FNIP1: variants seen among roughly 807,000 people sequenced by gnomAD.
The protein encoded by FNIP1 is folliculin interacting protein 1, also known as folliculin-interacting protein 1.
Under a neutral mutation model 124.5 loss-of-function variants are expected in FNIP1, and 40 were observed. The observed-to-expected ratio is 0.32, with a 90% CI of 0.25 to 0.42. The LOEUF (loss-of-function observed/expected upper bound fraction) is 0.42, where lower values mean the gene tolerates loss of function less well. Ranked by LOEUF, FNIP1 falls within the 10% of genes least tolerant of loss-of-function variation. FNIP1 has a pLI of 1.00. For missense variants in FNIP1, 1,176 were observed against 1,403.7 expected, an observed-to-expected ratio of 0.84 and a Z score of 2.59; for synonymous variants, 472 against 470.6, an observed-to-expected ratio of 1.00 and a Z score of -0.04.
intron 1 of FNIP1, among the ~76,000 whole-genome samples, chr5:131,751,567 A>G (rs1561689746): frequency 6.6e-6 from 1 of 150,404 alleles, no homozygotes; most frequent in African/African-American, 2.4e-5. Context: ...GGATTCCACA[A>G]TCTGAAAAAA....
intron 15 of FNIP1, among the ~76,000 whole-genome samples, chr5:131,660,429 T>C (rs1369730585): frequency 6.6e-6 from 1 of 152,110 alleles, no homozygotes; most frequent in African/African-American, 2.4e-5. Flanking sequence ...CTGACACCCT[T>C]GGCTCCACCT....
chr5:131,794,255 GT>G (rs1746041392), intron 1 of FNIP1, among the ~76,000 whole-genome samples: 1 of 97,632 alleles, frequency 1.0e-5, no homozygotes, highest in African/African-American at 3.9e-5. Flanking sequence ...AAAAAAAAAA[GT>G]AAATTTCATA....
In FNIP1 at chr5:131,795,145, T is replaced by C. The variant is rs1458629663; in HGVS notation, c.92+1685A>G. ...AGTTTTCATTTCTCACATGCACAAG[T>C]TTTATTTTTAAAGTGAGAGATTCCA... On this transcript the variant is annotated intron_variant, in intron 1 of 17. Transcript: ENST00000510461. Among the ~76,000 whole-genome samples the C allele has an allele frequency of 2.0e-5, 3 of 152,188 alleles. No homozygotes were observed. In the East Asian group the frequency reaches 5.8e-4, roughly 29 times the overall value.
At chr5:131,788,994 A>G (rs1353371538) in intron 1 of FNIP1, among the ~76,000 whole-genome samples, 1 of 152,244 alleles carries the variant, frequency 6.6e-6, no homozygotes, top group Non-Finnish European at 1.5e-5. Flanking sequence ...TATTTACACT[A>G]GCCAAGATAT....
intron 2 of FNIP1, among the ~76,000 whole-genome samples, chr5:131,733,022 T>C (rs1770152429): frequency 6.6e-6 from 1 of 152,150 alleles, no homozygotes; most frequent in Non-Finnish European, 1.5e-5. Flanking sequence ...TGGTTTGTAG[T>C]TCTCCTTGAA....
chr5:131,756,674 T>C (rs891431328), intron 1 of FNIP1, among the ~76,000 whole-genome samples: 8 of 152,192 alleles, frequency 5.3e-5, no homozygotes, highest in Admixed American at 2.0e-4. Context: ...CAGGTAAGTA[T>C]GCAAGCTGGA....
chr5:131,664,401 G>A (rs987855894), intron 15 of FNIP1, among the ~76,000 whole-genome samples: 7 of 151,996 alleles, frequency 4.6e-5, no homozygotes, highest in African/African-American at 1.4e-4. Context: ...TTGGGAGGCC[G>A]AGGTGGGAGG....
At chr5:131,794,746 G>T (rs1476819258) in intron 1 of FNIP1, among the ~76,000 whole-genome samples, 1 of 152,164 alleles carries the variant, frequency 6.6e-6, no homozygotes, top group South Asian at 2.1e-4. Flanking sequence ...TGTATTAAGC[G>T]TGGTCACGCC....
intron 11 of FNIP1, among the ~76,000 whole-genome samples, chr5:131,697,975 AAAAAAAAAAAAAAAG>A (rs1768762956): frequency 6.7e-6 from 1 of 150,050 alleles, no homozygotes; most frequent in African/African-American, 2.5e-5. Flanking sequence ...CCTCAAAAAA[AAAAAAAAAAAAAAAG>A]AAAGAAAAAG....
At chr5:131,693,346 A>ACATATATATATG (rs1580760536) in intron 11 of FNIP1, among the ~76,000 whole-genome samples, 1 of 131,826 alleles carries the variant, frequency 7.6e-6, no homozygotes, top group African/African-American at 2.8e-5. Flanking sequence ...ATATATATAT[A>ACATATATATATG]TATATATATA....
intron 17 of FNIP1, among the ~76,000 whole-genome samples, chr5:131,645,225 G>A (rs1207972981): frequency 6.6e-6 from 1 of 151,876 alleles, no homozygotes; most frequent in Non-Finnish European, 1.5e-5. Flanking sequence ...TGGAAGCTGA[G>A]GCAGAAAGAT....
chr5:131,731,050 G>A lies in FNIP1; in HGVS notation c.220-12C>T. The A allele has an allele frequency of 6.3e-7, 1 of 1,593,792 alleles. No homozygotes were observed. The highest frequency in any genetic ancestry group is 8.5e-7 in the Non-Finnish European group (1 of 1,173,778). ...TCACTGCCGAGTTTCTGAAATAACA[G>A]ATATTTCCACTCATGTTTTAACAGA... On this transcript the variant is annotated splice_polypyrimidine_tract_variant and intron_variant, in intron 2 of 17. Coordinates refer to ENST00000510461, the MANE Select transcript of FNIP1 (RefSeq NM_133372.3).
At chr5:131,711,073 C>T (rs1361566444) in intron 6 of FNIP1, among the ~76,000 whole-genome samples, 1 of 152,112 alleles carries the variant, frequency 6.6e-6, no homozygotes, top group Non-Finnish European at 1.5e-5. Flanking sequence ...ATAGTATGTG[C>T]CTACAACTGC....
intron 5 of FNIP1, among the ~76,000 whole-genome samples, chr5:131,718,189 G>GAA (rs542460464): frequency 8.2e-6 from 1 of 121,526 alleles, no homozygotes; most frequent in Non-Finnish European, 1.8e-5. Context: ...GCTCCATCTC[G>GAA]AAAAAAAAAA....
chr5:131,698,912 T>C lies in FNIP1; in HGVS notation c.1202+5A>G, dbSNP rs767256391. 2.5e-6 allele frequency: 4 copies of C among 1,602,276 alleles called. No homozygotes were observed. The highest frequency in any genetic ancestry group is 1.1e-5 in the South Asian group (1 of 88,622). On this transcript the variant is annotated splice_donor_5th_base_variant and intron_variant, in intron 11 of 17. Coordinates refer to ENST00000510461, the MANE Select transcript of FNIP1 (RefSeq NM_133372.3). ...CTGCATTATGGAAAGCTGGGCAATA[T>C]GTACCTGAATTCATTTAGGGCATCA...
chr5:131,723,274 C>T (rs1179800774), intron 3 of FNIP1, among the ~76,000 whole-genome samples: 2 of 152,096 alleles, frequency 1.3e-5, no homozygotes, highest in African/African-American at 4.8e-5. Flanking sequence ...ATGTGTCTAA[C>T]TCCATTGTTA....
At chr5:131,704,927 A>T (rs1260903296) in intron 9 of FNIP1, among the ~76,000 whole-genome samples, 1 of 152,176 alleles carries the variant, frequency 6.6e-6, no homozygotes, top group Admixed American at 6.5e-5. Flanking sequence ...AAAGGAAAAA[A>T]AAATAAACTG....
At chr5:131,785,155 G>C (rs1294167895) in intron 1 of FNIP1, among the ~76,000 whole-genome samples, 43 of 79,434 alleles carry the variant, frequency 5.4e-4, no homozygotes, top group East Asian at 4.6e-3. Flanking sequence ...TCATATATAT[G>C]ATATATATGA....
chr5:131,704,236 A>G lies in FNIP1; in HGVS notation c.945T>C (p.Asp315=), dbSNP rs760235549. 8.1e-6 allele frequency: 13 copies of G among 1,612,826 alleles called. No individual in the cohort carries two copies. The highest frequency in any genetic ancestry group is 1.3e-5 in the African/African-American group (1 of 74,902). ...WSIEESFNLS[D]ESCGPNPGIV... ...TTCCTGGGTTAGGGCCACAGCTTTCATCTGAGAGATTAAAGCTTTCTTCTA... is the reference window on the plus strand; with the variant it reads ...TTCCTGGGTTAGGGCCACAGCTTTCGTCTGAGAGATTAAAGCTTTCTTCTA... The change falls in exon 10 of 18, where the codon GAT becomes GAC. Residue 315 remains aspartate, a synonymous_variant. Coordinates refer to ENST00000510461, the MANE Select transcript of FNIP1 (RefSeq NM_133372.3).
Sources: gnomAD v4.1 joint callset for allele counts (sites outside exome capture counted in the v4.1 genomes callset) on GRCh38, gnomAD v4.1.1 for gene constraint, MANE v1.5 for transcripts, NCBI Gene and HGNC (gene_info 2026-07-23, HGNC 2026-07-21) for gene names.